Variants in KCNG2 observed in about 807,000 individuals in gnomAD.
KCNG2 encodes potassium voltage-gated channel modifier subfamily G member 2, also known as voltage-gated potassium channel regulatory subunit KCNG2.
In KCNG2, 7 loss-of-function variants were observed where a neutral mutation model predicts 12.3. That is an observed-to-expected ratio of 0.57 (90% CI 0.32 to 1.07). The LOEUF is 1.07. Among genes scored for constraint, KCNG2 ranks in the 50% least tolerant of loss-of-function variants. The pLI is 0.04. For missense variants in KCNG2, 703 were observed against 726.0 expected, an observed-to-expected ratio of 0.97 and a Z score of 0.36; for synonymous variants, 414 against 351.4, an observed-to-expected ratio of 1.18 and a Z score of -1.99.
rs771403229 is a variant in KCNG2, at chr18:79,800,335, G to T, written c.-115+2321G>T. ...TGAATGGGGATATCTTAGGGCTAAC[G>T]CTTGGTCAGGGATGTTCTTGGTGGT... is the stretch of plus-strand genomic sequence containing the variant. On this transcript the variant is annotated intron_variant, in intron 1 of 3. Coordinates refer to ENST00000316249, the MANE Select transcript of KCNG2 (RefSeq NM_012283.2). The surrounding 1 kb of genome is among the most constrained non-coding windows in gnomAD (Gnocchi z 4.0). Among the ~76,000 whole-genome samples the T allele has an allele frequency of 6.6e-6, 1 of 152,142 alleles. No homozygotes were observed. Among genetic ancestry groups the T allele is most frequent in the Non-Finnish European group, 1.5e-5 (1 of 68,018 alleles).
intron 1 of KCNG2, among the ~76,000 whole-genome samples, chr18:79,813,262 C>T (rs1255762829): frequency 2.0e-5 from 3 of 152,158 alleles, no homozygotes; most frequent in Non-Finnish European, 2.9e-5. Flanking sequence ...AAATTGAATC[C>T]AGCAATGAAT....
At chr18:79,828,706 CGT>C (rs973499269) in intron 1 of KCNG2, among the ~76,000 whole-genome samples, 3 of 147,556 alleles carry the variant, frequency 2.0e-5, no homozygotes, top group African/African-American at 7.6e-5. Context: ...CAGGAATTTG[CGT>C]GTGTGTAACA....
At chr18:79,835,353 A>G (rs1599381595) in intron 1 of KCNG2, among the ~76,000 whole-genome samples, 1 of 152,272 alleles carries the variant, frequency 6.6e-6, no homozygotes, top group Non-Finnish European at 1.5e-5. Context: ...TGACACCAAC[A>G]CTAAGATGAT....
chr18:79,877,571 C>T (rs1980124584), intron 3 of KCNG2, among the ~76,000 whole-genome samples: 1 of 151,914 alleles, frequency 6.6e-6, no homozygotes, highest in Non-Finnish European at 1.5e-5. Context: ...TGTTCTCACA[C>T]CTCCGCCCCC....
At chr18:79,851,721 ATG>A (rs1372765172) in intron 1 of KCNG2, among the ~76,000 whole-genome samples, 4 of 150,448 alleles carry the variant, frequency 2.7e-5, no homozygotes, top group Non-Finnish European at 5.9e-5. Flanking sequence ...GTGAACGTGC[ATG>A]TGTGTGAATG....
Position 79,849,896 on chromosome 18 carries a change from GCGAGACCCCACCTGGCCGTGGGAGGAACC to G in KCNG2, c.-114-6470_-114-6442del, listed in dbSNP as rs777938208. On this transcript the variant is annotated intron_variant, in intron 1 of 3. Transcript: ENST00000316249. ...TCCACCCAGGCTGAGTGGGAGGGAG[GCGAGACCCCACCTGGCCGTGGGAGGAACC>G]CGAGACCCCACCCAGGCTCAGTGGG... Among the ~76,000 whole-genome samples the G allele has an allele frequency of 9.2e-3, 1,383 of 150,048 alleles. 25 individuals are homozygous for G. Among genetic ancestry groups the G allele is most frequent in the African/African-American group, 0.031 (1,298 of 41,346 alleles).
At chr18:79,846,478 CATAT>C (rs1393617794) in intron 1 of KCNG2, among the ~76,000 whole-genome samples, 7 of 151,326 alleles carry the variant, frequency 4.6e-5, no homozygotes, top group Non-Finnish European at 7.4e-5. Flanking sequence ...CATGTGAACT[CATAT>C]GTGTATCAGA....
At chr18:79,801,326 G>C (rs1222926010) in intron 1 of KCNG2, among the ~76,000 whole-genome samples, 2 of 152,228 alleles carry the variant, frequency 1.3e-5, no homozygotes, top group African/African-American at 4.8e-5. Flanking sequence ...TACCTGTGAA[G>C]GCCTCAGGCC....
intron 1 of KCNG2, among the ~76,000 whole-genome samples, chr18:79,814,099 C>T (rs1015768564): frequency 6.6e-6 from 1 of 152,198 alleles, no homozygotes. Context: ...AAAATATTGA[C>T]AACACCGAAT....
chr18:79,819,826 G>C (rs1194844484), intron 1 of KCNG2, among the ~76,000 whole-genome samples: 1 of 152,218 alleles, frequency 6.6e-6, no homozygotes, highest in East Asian at 1.9e-4. Flanking sequence ...CCCTCAACAG[G>C]AAATCTGTAA....
chr18:79,890,012 G>A (rs112446485), intron 3 of KCNG2, among the ~76,000 whole-genome samples: 4,899 of 152,288 alleles, frequency 0.032, 108 homozygotes, highest in South Asian at 0.069. Flanking sequence ...TGGATATGAT[G>A]TATCACGTTA....
intron 1 of KCNG2, among the ~76,000 whole-genome samples, chr18:79,830,773 G>T (rs1389593140): frequency 8.2e-5 from 12 of 147,070 alleles, no homozygotes; most frequent in African/African-American, 3.0e-4. Context: ...CCTTCGTCAG[G>T]AGGGTTCCCT....
chr18:79,881,403 A>G (rs1366571959), intron 3 of KCNG2, among the ~76,000 whole-genome samples: 1 of 152,248 alleles, frequency 6.6e-6, no homozygotes, highest in African/African-American at 2.4e-5. Flanking sequence ...AGAACTGCCT[A>G]TGTAGAAATT....
chr18:79,846,960 C>T (rs1016809810), intron 1 of KCNG2, among the ~76,000 whole-genome samples: 1 of 152,142 alleles, frequency 6.6e-6, no homozygotes, highest in Non-Finnish European at 1.5e-5. Flanking sequence ...CAAACGAACT[C>T]GTTTGGCCAC....
chr18:79,836,647 A>G (rs529521893), intron 1 of KCNG2, among the ~76,000 whole-genome samples: 4 of 152,304 alleles, frequency 2.6e-5, no homozygotes, highest in African/African-American at 7.2e-5. Context: ...GAAACTTACA[A>G]TCATGGCGAG....
Position 79,863,993 on chromosome 18 carries a change from G to A in KCNG2, c.326G>A (p.Gly109Asp), listed in dbSNP as rs774818065. The change falls in exon 3 of 4, where the codon GGC becomes GAC. Residue 109 changes from glycine to aspartate, a missense_variant. By Grantham distance (94) the Gly-to-Asp change is moderately conservative. Coordinates refer to ENST00000316249, the MANE Select transcript of KCNG2 (RefSeq NM_012283.2). ...LAFRDELAYWGIDEARLERCC... is the reference protein window; with the variant it reads ...LAFRDELAYWDIDEARLERCC... Reference sequence around the variant, plus strand: ...TTCCGCGACGAGCTGGCCTACTGGGGCATCGACGAGGCGCGCCTGGAGCGC... The same window carrying A: ...TTCCGCGACGAGCTGGCCTACTGGGACATCGACGAGGCGCGCCTGGAGCGC... 5.8e-6 allele frequency: 7 copies of A among 1,211,676 alleles called. No homozygotes were observed. The highest frequency in any genetic ancestry group is 7.2e-6 in the Non-Finnish European group (7 of 970,214). 75.1% of individuals were successfully genotyped at this position (1,211,676 alleles called of 1,614,324 possible). A position where few individuals can be genotyped will look rare whatever the true frequency, so the allele number is the denominator to read the frequency against.
chr18:79,898,760 G>A (rs1190981010), intron 3 of KCNG2, among the ~76,000 whole-genome samples: 1 of 152,240 alleles, frequency 6.6e-6, no homozygotes, highest in Non-Finnish European at 1.5e-5. Flanking sequence ...ATTTCCCAAG[G>A]CTTTAAAAGG....
intron 1 of KCNG2, among the ~76,000 whole-genome samples, 77 bp downstream of exon 1, chr18:79,798,091 CG>C (rs2087376365): frequency 8.3e-6 from 1 of 120,868 alleles, no homozygotes; most frequent in Non-Finnish European, 1.8e-5. Flanking sequence ...GGCGGTGGGG[CG>C]GGGGGCGCGG....
intron 1 of KCNG2, among the ~76,000 whole-genome samples, chr18:79,835,289 A>T (rs964844163): frequency 6.6e-6 from 1 of 152,232 alleles, no homozygotes; most frequent in African/African-American, 2.4e-5. Context: ...ATCAGCCCTC[A>T]TACCAAGAGC....
Sources: allele counts gnomAD v4.1 joint callset (sites outside exome capture counted in the v4.1 genomes callset), GRCh38; gene constraint gnomAD v4.1.1; non-coding constraint Gnocchi (gnomAD v3.1); transcripts MANE v1.5; gene names NCBI Gene and HGNC (gene_info 2026-07-23, HGNC 2026-07-21).